Variants in GLCE observed in about 807,000 individuals in gnomAD.
GLCE encodes glucuronic acid epimerase, also known as D-glucuronyl C5-epimerase.
Under a neutral mutation model 47.9 loss-of-function variants are expected in GLCE, and 19 were observed. The ratio of observed to expected loss-of-function variants is 0.40; its 90% CI spans 0.28 to 0.58. The LOEUF is 0.58. GLCE is among the 20% of genes least tolerant of loss of function. The pLI, the probability that GLCE is intolerant of heterozygous loss-of-function variation, is 0.48. For missense variants in GLCE, 556 were observed against 743.3 expected, an observed-to-expected ratio of 0.75 and a Z score of 2.93; for synonymous variants, 245 against 263.4, an observed-to-expected ratio of 0.93 and a Z score of 0.68.
chr15:69,175,651 G>A (rs2051652032), intron 1 of GLCE, among the ~76,000 whole-genome samples: 1 of 152,184 alleles, frequency 6.6e-6, no homozygotes, highest in Admixed American at 6.5e-5. Context: ...CCCAGTGGGT[G>A]TTCCAGACTT....
At chr15:69,164,318 A>T (rs2051470501) in intron 1 of GLCE, among the ~76,000 whole-genome samples, 1 of 151,978 alleles carries the variant, frequency 6.6e-6, no homozygotes, top group Non-Finnish European at 1.5e-5. Context: ...ATGATATACT[A>T]AAGCAGTTTC....
At chr15:69,229,706 TG>T (rs1206731649) in intron 2 of GLCE, among the ~76,000 whole-genome samples, 15 of 150,276 alleles carry the variant, frequency 1.0e-4, no homozygotes, top group African/African-American at 3.4e-4. Flanking sequence ...TACCCAACAA[TG>T]ACAAAAAGAA....
At chr15:69,233,123 C>G (rs2052547737) in intron 2 of GLCE, among the ~76,000 whole-genome samples, 1 of 152,158 alleles carries the variant, frequency 6.6e-6, no homozygotes, top group Admixed American at 6.5e-5. Flanking sequence ...AGAGGGCATA[C>G]TGGCTTAAAA....
chr15:69,240,309 A>T (rs201757363), intron 2 of GLCE, among the ~76,000 whole-genome samples: 104,503 of 149,776 alleles, frequency 0.7, 37,754 homozygotes, highest in Admixed American at 0.78. Flanking sequence ...AAAAAAAAAA[A>T]AGAAAAGAAA....
At chr15:69,235,090 A>AATCTTTTTTTTTTTTTTTTTTTTTTTT (rs1163529945) in intron 2 of GLCE, among the ~76,000 whole-genome samples, 1 of 82,488 alleles carries the variant, frequency 1.2e-5, no homozygotes. Context: ...GATGAAGATT[A>AATCTTTTTTTTTTTTTTTTTTTTTTTT]TTCTTTTTTT....
intron 2 of GLCE, among the ~76,000 whole-genome samples, chr15:69,210,631 T>C (rs2052218802): frequency 6.6e-6 from 1 of 152,156 alleles, no homozygotes; most frequent in Non-Finnish European, 1.5e-5. Context: ...TCATGGTTTC[T>C]TTACCACTTA....
At chr15:69,226,514 T>C (rs1324531173) in intron 2 of GLCE, among the ~76,000 whole-genome samples, 1 of 152,178 alleles carries the variant, frequency 6.6e-6, no homozygotes, top group African/African-American at 2.4e-5. Context: ...CCATAGTGTT[T>C]ATTGCAAAAC....
chr15:69,235,855 C>T (rs773233739), intron 2 of GLCE, among the ~76,000 whole-genome samples: 6 of 152,088 alleles, frequency 3.9e-5, no homozygotes, highest in South Asian at 4.1e-4. Context: ...TGAGTTTTGT[C>T]GGATGAATAC....
At chr15:69,198,126 A>G (rs2052022877) in intron 1 of GLCE, among the ~76,000 whole-genome samples, 1 of 151,970 alleles carries the variant, frequency 6.6e-6, no homozygotes, top group African/African-American at 2.4e-5. Context: ...TTTTTTTTAA[A>G]AAACCCTGCA....
intron 1 of GLCE, 45 bp from the exon 2 acceptor site, chr15:69,210,271 C>G (rs2140374553): frequency 6.6e-6 from 1 of 152,206 alleles, no homozygotes; most frequent in Admixed American, 6.6e-5. Flanking sequence ...CCCATCTTAT[C>G]TGGAACTGGA....
At chr15:69,199,424 C>T (rs1482270458) in intron 1 of GLCE, among the ~76,000 whole-genome samples, 1 of 152,048 alleles carries the variant, frequency 6.6e-6, no homozygotes, top group Non-Finnish European at 1.5e-5. Context: ...TGAATTTGAT[C>T]TCTACTATAA....
intron 1 of GLCE, 22 bp from the exon 2 acceptor site, chr15:69,210,294 G>A (rs1439758999): frequency 1.3e-5 from 2 of 152,040 alleles, no homozygotes; most frequent in Non-Finnish European, 2.9e-5. Flanking sequence ...CTGACTTAAG[G>A]TTTTCAATTT....
At chr15:69,173,495 A>G (rs932846668) in intron 1 of GLCE, among the ~76,000 whole-genome samples, 13 of 152,180 alleles carry the variant, frequency 8.5e-5, no homozygotes, top group African/African-American at 3.1e-4. Context: ...AGGAACAATG[A>G]ATGAAAGTTA....
chr15:69,180,211 T>C (rs1002682431), intron 1 of GLCE, among the ~76,000 whole-genome samples: 2 of 152,194 alleles, frequency 1.3e-5, no homozygotes, highest in African/African-American at 4.8e-5. Context: ...CCTTTTAGTA[T>C]AGTCTTAATA....
chr15:69,203,137 C>G (rs570885447), intron 1 of GLCE, among the ~76,000 whole-genome samples: 65 of 151,948 alleles, frequency 4.3e-4, no homozygotes, highest in Non-Finnish European at 8.1e-4. Context: ...TTTCAGTGGC[C>G]AGTAAGGTAA....
intron 1 of GLCE, among the ~76,000 whole-genome samples, chr15:69,172,901 T>C (rs970825454): frequency 6.6e-6 from 1 of 152,226 alleles, no homozygotes; most frequent in Non-Finnish European, 1.5e-5. Context: ...ACGAAATATG[T>C]TATAAGATTT....
At chr15:69,217,037 A>G (rs2052316908) in intron 2 of GLCE, among the ~76,000 whole-genome samples, 1 of 152,146 alleles carries the variant, frequency 6.6e-6, no homozygotes, top group African/African-American at 2.4e-5. Flanking sequence ...GTCCTATTTA[A>G]TAGTGTGATC....
At chr15:69,219,727 T>A (rs1256494583) in intron 2 of GLCE, among the ~76,000 whole-genome samples, 5 of 152,186 alleles carry the variant, frequency 3.3e-5, no homozygotes, top group African/African-American at 1.2e-4. Flanking sequence ...TAAATTGTGT[T>A]AAAATACACG....
At chr15:69,209,585 T>C (rs2052200592) in intron 1 of GLCE, among the ~76,000 whole-genome samples, 1 of 152,086 alleles carries the variant, frequency 6.6e-6, no homozygotes, top group Non-Finnish European at 1.5e-5. Flanking sequence ...AGTCTGTGTA[T>C]GTTTGTTTGG....
Sources: gnomAD v4.1 joint callset for allele counts (sites outside exome capture counted in the v4.1 genomes callset) on GRCh38, gnomAD v4.1.1 for gene constraint, MANE v1.5 for transcripts, NCBI Gene and HGNC (gene_info 2026-07-23, HGNC 2026-07-21) for gene names.